OXCT1: variants seen among roughly 807,000 people sequenced by gnomAD.
The protein encoded by OXCT1 is 3-oxoacid CoA-transferase 1, also known as succinyl-CoA:3-ketoacid coenzyme A transferase 1, mitochondrial.
In OXCT1, 27 loss-of-function variants were observed where a neutral mutation model predicts 69.6. The ratio of observed to expected loss-of-function variants is 0.39; its 90% confidence interval spans 0.29 to 0.54. OXCT1 has a LOEUF of 0.54. Among genes scored for constraint, OXCT1 ranks in the 20% least tolerant of loss-of-function variants. The probability of loss-of-function intolerance (pLI) is 0.72; values close to 1 mark genes in which losing one functional copy is unlikely to be tolerated. For missense variants in OXCT1, 437 were observed against 650.2 expected, an observed-to-expected ratio of 0.67 and a Z score of 3.57; for synonymous variants, 202 against 217.8, an observed-to-expected ratio of 0.93 and a Z score of 0.64.
At chr5:41,853,165 C>T (rs1749262978) in intron 4 of OXCT1, among the ~76,000 whole-genome samples, 1 of 152,118 alleles carries the variant, frequency 6.6e-6, no homozygotes, top group Admixed American at 6.5e-5. Flanking sequence ...TGGCACAATA[C>T]ACATTACAGT....
intron 13 of OXCT1, among the ~76,000 whole-genome samples, chr5:41,763,250 TA>T (rs759477675): frequency 3.3e-5 from 5 of 151,922 alleles, no homozygotes; most frequent in Non-Finnish European, 5.9e-5. Context: ...AGAAAAGAAG[TA>T]GTCACCACAT....
chr5:41,757,084 A>G (rs1275559202), intron 14 of OXCT1, among the ~76,000 whole-genome samples: 2 of 152,018 alleles, frequency 1.3e-5, no homozygotes, highest in Admixed American at 1.3e-4. Context: ...TTGAGCTGCC[A>G]TTGAGGGTTT....
At chr5:41,771,411 G>GT (rs999244759) in intron 13 of OXCT1, among the ~76,000 whole-genome samples, 2 of 152,138 alleles carry the variant, frequency 1.3e-5, no homozygotes, top group African/African-American at 4.8e-5. Context: ...GTGTGACAAA[G>GT]TTTTTTTTGT....
chr5:41,743,617 A>G (rs1437275717), intron 15 of OXCT1, among the ~76,000 whole-genome samples: 1 of 152,160 alleles, frequency 6.6e-6, no homozygotes, highest in Non-Finnish European at 1.5e-5. Flanking sequence ...TTTTAGGTCT[A>G]ACATTTAACT....
At chr5:41,841,676 T>C (rs1419558824) in intron 6 of OXCT1, among the ~76,000 whole-genome samples, 1 of 152,190 alleles carries the variant, frequency 6.6e-6, no homozygotes, top group African/African-American at 2.4e-5. Flanking sequence ...TCCTTTCTGT[T>C]TGGTAGTATA....
At chr5:41,732,784 T>A (rs1742698043) in intron 16 of OXCT1, among the ~76,000 whole-genome samples, 1 of 152,190 alleles carries the variant, frequency 6.6e-6, no homozygotes, top group African/African-American at 2.4e-5. Flanking sequence ...CTAATAGAGG[T>A]TAAATCATCA....
chr5:41,734,522 T>C (rs1371175116), intron 16 of OXCT1, among the ~76,000 whole-genome samples: 4 of 152,224 alleles, frequency 2.6e-5, no homozygotes, highest in Non-Finnish European at 5.9e-5. Context: ...ATCAAGTAAC[T>C]GGCATACTGC....
intron 14 of OXCT1, among the ~76,000 whole-genome samples, chr5:41,753,546 TGG>T (rs1743916148): frequency 6.6e-6 from 1 of 152,098 alleles, no homozygotes; most frequent in Non-Finnish European, 1.5e-5. Context: ...ATTCAGGAGT[TGG>T]CTCAGACACC....
At chr5:41,750,135 G>GGT (rs1356289001) in intron 14 of OXCT1, among the ~76,000 whole-genome samples, 3 of 73,916 alleles carry the variant, frequency 4.1e-5, no homozygotes, top group African/African-American at 1.6e-4. Context: ...GTGTTTTTTG[G>GGT]TTTTTTTTTT....
At chr5:41,852,159 A>G (rs1294515977) in intron 4 of OXCT1, among the ~76,000 whole-genome samples, 1 of 152,204 alleles carries the variant, frequency 6.6e-6, no homozygotes, top group East Asian at 1.9e-4. Context: ...AGTCTGTGAT[A>G]TTTTGTTATA....
intron 13 of OXCT1, among the ~76,000 whole-genome samples, chr5:41,773,309 T>G (rs1350723957): frequency 6.6e-6 from 1 of 150,560 alleles, no homozygotes; most frequent in Non-Finnish European, 1.5e-5. Flanking sequence ...GCATGGTGGC[T>G]CAAGCCTGCA....
At chr5:41,803,194 A>G (rs771016421) in intron 9 of OXCT1, 31 bp from the exon 10 acceptor site, 1 of 1,421,012 alleles carries the variant, frequency 7.0e-7, no homozygotes, top group Middle Eastern at 1.8e-4. Context: ...GGTCCAGCAT[A>G]TAAAAGGTAG....
At chr5:41,797,385 T>C (rs2112241121) in intron 11 of OXCT1, among the ~76,000 whole-genome samples, 1 of 152,346 alleles carries the variant, frequency 6.6e-6, no homozygotes, top group Non-Finnish European at 1.5e-5. Context: ...TGAAGCAAGG[T>C]TAATTTTCAG....
chr5:41,802,661 C>T (rs961295120), intron 10 of OXCT1, among the ~76,000 whole-genome samples: 1 of 152,026 alleles, frequency 6.6e-6, no homozygotes, highest in Non-Finnish European at 1.5e-5. Flanking sequence ...CCTTCATTAT[C>T]TTGTCCAACA....
At chr5:41,854,625 T>C (rs1407212752) in intron 3 of OXCT1, among the ~76,000 whole-genome samples, 3 of 152,168 alleles carry the variant, frequency 2.0e-5, no homozygotes, top group African/African-American at 7.2e-5. Context: ...TGGTGAAATA[T>C]TTTTAATGGC....
chr5:41,864,680 A>C (rs1268082056), intron 1 of OXCT1, among the ~76,000 whole-genome samples: 2 of 152,120 alleles, frequency 1.3e-5, no homozygotes, highest in Non-Finnish European at 2.9e-5. Context: ...ACTTTACCCA[A>C]AACTGTATTA....
chr5:41,739,369 T>C, intron 16 of OXCT1, 21 bp downstream of exon 16: 1 of 1,442,994 alleles, frequency 6.9e-7, no homozygotes, highest in South Asian at 1.1e-5. Flanking sequence ...AGTGTCTGGA[T>C]TTGTTCACAG....
At chr5:41,793,206 G>A (rs1313476983) in intron 13 of OXCT1, among the ~76,000 whole-genome samples, 1 of 152,200 alleles carries the variant, frequency 6.6e-6, no homozygotes, top group Non-Finnish European at 1.5e-5. Flanking sequence ...ACCAGCCTCA[G>A]TTATTTGACA....
chr5:41,772,747 C>G (rs1744934979), intron 13 of OXCT1, among the ~76,000 whole-genome samples: 1 of 152,132 alleles, frequency 6.6e-6, no homozygotes, highest in African/African-American at 2.4e-5. Context: ...TTAATTTGTT[C>G]TCCTGTGCAA....
Sources: gnomAD v4.1 joint callset for allele counts (sites outside exome capture counted in the v4.1 genomes callset) on GRCh38, gnomAD v4.1.1 for gene constraint, MANE v1.5 for transcripts, NCBI Gene and HGNC (gene_info 2026-07-23, HGNC 2026-07-21) for gene names.